SLC25A43: variants seen among roughly 807,000 people sequenced by gnomAD.
SLC25A43 encodes the protein solute carrier family 25, member 43.
In SLC25A43, 10 loss-of-function variants were observed where a neutral mutation model predicts 22.8. The observed-to-expected ratio is 0.44, with a 90% confidence interval of 0.27 to 0.74. SLC25A43 has a LOEUF of 0.74. Among genes scored for constraint, SLC25A43 ranks in the 30% least tolerant of loss-of-function variants. SLC25A43 has a pLI of 0.17. For synonymous variants in SLC25A43, 106 were observed against 121.6 expected, an observed-to-expected ratio of 0.87 and a Z score of 0.84; for missense variants, 233 against 279.1, an observed-to-expected ratio of 0.83 and a Z score of 1.18.
intron 3 of SLC25A43, among the ~76,000 whole-genome samples, chrX:119,444,949 C>T (rs759888579): frequency 2.0e-5 from 2 of 100,419 alleles, no homozygotes; most frequent in Admixed American, 1.2e-4. Context: ...GCACAAGAAT[C>T]GCTTGAAACT....
intron 3 of SLC25A43, among the ~76,000 whole-genome samples, chrX:119,431,488 G>A (rs1369119045): frequency 1.9e-5 from 2 of 102,779 alleles, no homozygotes; most frequent in African/African-American, 3.7e-5. Context: ...ACTTCAGCCC[G>A]GAAGACAGTG....
At position 119,453,221 on chromosome X, in the gene SLC25A43, A is replaced by G; in HGVS notation, c.*156A>G. The G allele has an allele frequency of 4.2e-6, 2 of 475,493 alleles. No homozygotes were observed. Among genetic ancestry groups the G allele is most frequent in the South Asian group, 6.6e-5 (2 of 30,429 alleles). 39.2% of individuals were successfully genotyped at this position (475,493 alleles called of 1,213,427 possible). A position where few individuals can be genotyped will look rare whatever the true frequency, so the allele number is the denominator to read the frequency against. ...TGGCCATGCACCACCTCAGATCTCCAAACTGATGTCCCTGTGAACACCTGC... is the reference window on the plus strand; with the variant it reads ...TGGCCATGCACCACCTCAGATCTCCGAACTGATGTCCCTGTGAACACCTGC... On this transcript the variant is annotated 3_prime_UTR_variant, in exon 5 of 5. Transcript: ENST00000217909.
At chrX:119,422,698 G>C (rs988146120) in intron 3 of SLC25A43, among the ~76,000 whole-genome samples, 6 of 111,402 alleles carry the variant, frequency 5.4e-5, no homozygotes, top group Non-Finnish European at 1.1e-4. Context: ...CCTGCCTCCT[G>C]CTCAACCTGC....
chrX:119,413,428 G>A (rs1176997901), intron 3 of SLC25A43, among the ~76,000 whole-genome samples: 7 of 111,374 alleles, frequency 6.3e-5, no homozygotes, highest in East Asian at 2.8e-4. Flanking sequence ...TCCTTAGGCC[G>A]GGCGCGGTGG....
intron 1 of SLC25A43, among the ~76,000 whole-genome samples, chrX:119,404,903 C>T (rs747598399): frequency 1.8e-5 from 2 of 112,095 alleles, no homozygotes; most frequent in Non-Finnish European, 3.8e-5. Context: ...AAAGCCATCC[C>T]GGGCCACATG....
Position 119,400,915 on chromosome X carries a change from A to C in SLC25A43, c.275+1237A>C, listed in dbSNP as rs1445778497. Among the ~76,000 whole-genome samples, 4 of 111,308 alleles carry C rather than the reference A, an allele frequency of 3.6e-5. No individual in the cohort carries two copies. In the East Asian group the frequency reaches 8.4e-4, roughly 23 times the overall value. The stretch of plus-strand genomic sequence containing the variant: ...GTTCTCCTCTGAGTCTTAATGACTC[A>C]GTTTCTCCCCCACTTCACCCTCTTC... On this transcript the variant is annotated intron_variant, in intron 1 of 4. Transcript: ENST00000217909.
chrX:119,409,399 T>C (rs1403482878), intron 2 of SLC25A43, among the ~76,000 whole-genome samples: 1 of 108,520 alleles, frequency 9.2e-6, no homozygotes, highest in African/African-American at 3.4e-5. Context: ...AGATGGAGTT[T>C]AGTAGAGACG....
intron 1 of SLC25A43, among the ~76,000 whole-genome samples, chrX:119,405,803 G>A (rs2052291847): frequency 9.1e-6 from 1 of 109,892 alleles, no homozygotes; most frequent in African/African-American, 3.3e-5. Context: ...AGGCCGAGCG[G>A]GGTGGATCAC....
At chrX:119,406,331 T>C (rs2052296256) in intron 1 of SLC25A43, 129 bp from the exon 2 acceptor site, 2 of 724,597 alleles carry the variant, frequency 2.8e-6, no homozygotes, top group South Asian at 2.9e-5. Flanking sequence ...AATGCTTATA[T>C]AGTACTATAG....
chrX:119,430,527 C>A (rs1454033872), intron 3 of SLC25A43, among the ~76,000 whole-genome samples: 4 of 111,980 alleles, frequency 3.6e-5, no homozygotes, highest in African/African-American at 1.3e-4. Context: ...CAGGCACTCT[C>A]AGTGTCAGCA....
intron 3 of SLC25A43, among the ~76,000 whole-genome samples, chrX:119,448,031 G>T (rs990662391): frequency 1.8e-5 from 2 of 111,369 alleles, no homozygotes; most frequent in African/African-American, 6.5e-5. Flanking sequence ...AAAACAAAAA[G>T]CCAACCTGCT....
chrX:119,442,307 T>C (rs1053800003), intron 3 of SLC25A43, among the ~76,000 whole-genome samples: 6 of 111,970 alleles, frequency 5.4e-5, no homozygotes, highest in Admixed American at 1.9e-4. Context: ...TGACCTGTTA[T>C]GTAATTCGTG....
chrX:119,401,412 A>T (rs910588756), intron 1 of SLC25A43, among the ~76,000 whole-genome samples: 1 of 111,486 alleles, frequency 9.0e-6, no homozygotes, highest in Non-Finnish European at 1.9e-5. Context: ...CATAACACAC[A>T]AGGTAGCATG....
chrX:119,422,510 G>A (rs2052463245), intron 3 of SLC25A43, among the ~76,000 whole-genome samples: 1 of 112,563 alleles, frequency 8.9e-6, no homozygotes, highest in African/African-American at 3.2e-5. Flanking sequence ...CTCTTTGCCT[G>A]TGGGAAGTAT....
intron 3 of SLC25A43, among the ~76,000 whole-genome samples, chrX:119,411,131 C>T (rs1292387856): frequency 9.0e-6 from 1 of 110,880 alleles, no homozygotes; most frequent in Non-Finnish European, 1.9e-5. Flanking sequence ...ATAGGACCAA[C>T]ATAAGCTAGG....
chrX:119,421,099 G>A (rs1298208343), intron 3 of SLC25A43, among the ~76,000 whole-genome samples: 2 of 76,499 alleles, frequency 2.6e-5, no homozygotes, highest in African/African-American at 5.2e-5. Context: ...GTGACAGAGC[G>A]AAACTTCATC....
In SLC25A43 at chrX:119,452,324, G is replaced by A. The variant is rs897742134; in HGVS notation, c.825+181G>A. ...CGTAGAGAGGGGAACCTGTGCAGTG[G>A]TGGAGTATCTTATACCCCATTCCAG... On this transcript the variant is annotated intron_variant, in intron 4 of 4. Transcript: ENST00000217909. 4.5e-5 allele frequency among the ~76,000 whole-genome samples: 5 copies of A among 111,166 alleles called. No individual in the cohort carries two copies. The South Asian group carries it at 1.9e-3, about 42-fold the overall frequency.
chrX:119,453,768 G>A lies in SLC25A43; in HGVS notation c.*703G>A, dbSNP rs1411807601. On this transcript the variant is annotated 3_prime_UTR_variant, in exon 5 of 5. Coordinates refer to ENST00000217909, the MANE Select transcript of SLC25A43 (RefSeq NM_145305.3). Reference sequence around the variant, plus strand: ...ACTCCTGGGCTCATGCAATCCTCCTGCCTTGGCCTCCCAAAGCGCTAGGAT... The same window carrying A: ...ACTCCTGGGCTCATGCAATCCTCCTACCTTGGCCTCCCAAAGCGCTAGGAT... 8.9e-6 allele frequency: 1 copy of A among 112,261 alleles called. No homozygotes were observed. Among genetic ancestry groups the A allele is most frequent in the Non-Finnish European group, 1.9e-5 (1 of 53,511 alleles). 9.3% of individuals were successfully genotyped at this position (112,261 alleles called of 1,213,427 possible).
At chrX:119,401,734 G>C (rs768965627) in intron 1 of SLC25A43, among the ~76,000 whole-genome samples, 2 of 109,787 alleles carry the variant, frequency 1.8e-5, no homozygotes, top group Non-Finnish European at 3.8e-5. Flanking sequence ...TGTGGGGGGT[G>C]GGGGGAGGTG....
Sources: allele counts gnomAD v4.1 joint callset (sites outside exome capture counted in the v4.1 genomes callset), GRCh38; gene constraint gnomAD v4.1.1; transcripts MANE v1.5; gene names NCBI Gene and HGNC (gene_info 2026-07-23, HGNC 2026-07-21).